The following PTPRJ variants were observed in gnomAD, a reference collection of about 807,000 sequenced individuals.
PTPRJ encodes receptor-type tyrosine-protein phosphatase eta.
PTPRJ carries 129 observed loss-of-function variants against 141.3 expected under a neutral mutation model. That is an observed-to-expected ratio of 0.91 (90% CI 0.79 to 1.06). PTPRJ has a LOEUF of 1.06. PTPRJ is among the 50% of genes least tolerant of loss of function. The pLI is 0.00. For synonymous variants in PTPRJ, 610 were observed against 640.5 expected (o/e 0.95, Z 0.72); for missense variants, 1,601 against 1,679.7 (o/e 0.95, Z 0.82).
rs1227374801 is a variant in PTPRJ at position 48,123,644 on chromosome 11, C to G, written c.648C>G (p.Ala216=). ...TCCCAGTTTCTGATCTCCGTGTTGC[C>G]CTCACGGGTGTGAGGAAGGCTGCTC... is the stretch of plus-strand genomic sequence containing the variant. ...EPIPVSDLRV[A]LTGVRKAALS... The change falls in exon 5 of 25, where the codon GCC becomes GCG. Residue 216 remains alanine (A), a synonymous_variant. Coordinates refer to ENST00000418331, the MANE Select transcript of PTPRJ (RefSeq NM_002843.4). 1.2e-6 allele frequency: 2 copies of G among 1,614,032 alleles called. No homozygotes were observed. Among genetic ancestry groups the G allele is most frequent in the Middle Eastern group, 1.7e-4 (1 of 6,040 alleles).
intron 1 of PTPRJ, among the ~76,000 whole-genome samples, chr11:48,088,186 A>G (rs1206835589): frequency 1.3e-5 from 2 of 152,220 alleles, no homozygotes; most frequent in Non-Finnish European, 2.9e-5. Context: ...TTGAGATGAC[A>G]TGTCCCCTTC....
intron 9 of PTPRJ, among the ~76,000 whole-genome samples, 153 bp downstream of exon 9, chr11:48,136,449 G>C (rs1043443389): frequency 2.6e-5 from 4 of 152,226 alleles, no homozygotes; most frequent in Non-Finnish European, 5.9e-5. Context: ...TGGTTCTGCT[G>C]TCACCATGGG....
intron 1 of PTPRJ, among the ~76,000 whole-genome samples, chr11:48,091,935 G>A (rs1026698393): frequency 6.6e-6 from 1 of 152,156 alleles, no homozygotes; most frequent in Non-Finnish European, 1.5e-5. Flanking sequence ...CCCCTGTGAA[G>A]CTGGTAGGTT....
chr11:47,993,254 T>C (rs561006075), intron 1 of PTPRJ, among the ~76,000 whole-genome samples: 2 of 152,246 alleles, frequency 1.3e-5, no homozygotes, highest in Admixed American at 1.3e-4. Flanking sequence ...GTAAATGGAT[T>C]TGGTAGAGAG....
Position 48,135,978 on chromosome 11 carries a change from A to C in PTPRJ, c.1616-61A>C, listed in dbSNP as rs1857092129. On this transcript the variant is annotated intron_variant, in intron 8 of 24. Coordinates refer to ENST00000418331, the MANE Select transcript of PTPRJ (RefSeq NM_002843.4). ...AGCAGGTCCTCTCGACAGCACTTGG[A>C]GAGGAAGCTGGGCGTCATGATAGTA... 7 of 1,569,102 alleles carry C rather than the reference A, an allele frequency of 4.5e-6. No homozygotes were observed. In the South Asian group the frequency reaches 7.1e-5, roughly 16 times the overall value.
intron 1 of PTPRJ, among the ~76,000 whole-genome samples, chr11:48,022,710 G>A (rs571763185): frequency 6.6e-6 from 1 of 152,082 alleles, no homozygotes; most frequent in African/African-American, 2.4e-5. Flanking sequence ...AGTGAAAGAG[G>A]CTTCTGGACC....
intron 1 of PTPRJ, among the ~76,000 whole-genome samples, chr11:48,108,320 A>T (rs1193916784): frequency 6.6e-6 from 1 of 152,242 alleles, no homozygotes; most frequent in Admixed American, 6.5e-5. Context: ...TACAAAGATC[A>T]TCCTGTTGGC....
rs746698373 is a variant in PTPRJ, at chr11:48,125,073, A to T, written c.980A>T (p.Asp327Val). 6 of 1,613,952 alleles carry T rather than the reference A, an allele frequency of 3.7e-6. No homozygotes were observed. The African/African-American group carries it at 8.0e-5, about 22-fold the overall frequency. The change falls in exon 6 of 25, where the codon GAC becomes GTC. Residue 327 changes from aspartate (D) to valine (V), a missense_variant. Transcript: ENST00000418331. Reference protein sequence around the residue: ...VDPSSGQQSRDTEVLLVGLEP... With the variant: ...VDPSSGQQSRVTEVLLVGLEP... ...CCATCCTCCGGCCAGCAGTCCCGAG[A>T]CACGGAAGTCCTGCTTGTCGGGTTA...
At chr11:48,072,608 A>G (rs1339819268) in intron 1 of PTPRJ, among the ~76,000 whole-genome samples, 2 of 152,190 alleles carry the variant, frequency 1.3e-5, no homozygotes, top group African/African-American at 4.8e-5. Flanking sequence ...AGATAGCAAT[A>G]TATATCTTAC....
chr11:48,117,276 C>T (rs1356513217), intron 3 of PTPRJ, among the ~76,000 whole-genome samples: 3 of 152,118 alleles, frequency 2.0e-5, no homozygotes, highest in Admixed American at 6.5e-5. Flanking sequence ...CACAGTGGCT[C>T]GTGCCTGTAA....
At chr11:48,049,914 G>C (rs2134245846) in intron 1 of PTPRJ, among the ~76,000 whole-genome samples, 1 of 152,126 alleles carries the variant, frequency 6.6e-6, no homozygotes, top group East Asian at 1.9e-4. Context: ...TTTTCTTTTT[G>C]CAATGGAAGC....
intron 1 of PTPRJ, among the ~76,000 whole-genome samples, chr11:48,034,095 C>G (rs1024829536): frequency 1.3e-5 from 2 of 152,116 alleles, no homozygotes; most frequent in African/African-American, 4.8e-5. Flanking sequence ...TAAACTTGGC[C>G]CAAGTCTCCC....
At chr11:47,981,284 C>G (rs915609128) in intron 1 of PTPRJ, among the ~76,000 whole-genome samples, 2 of 152,154 alleles carry the variant, frequency 1.3e-5, no homozygotes, top group African/African-American at 2.4e-5. Context: ...GGCTCCAGGC[C>G]GTCCCTGGCC....
intron 1 of PTPRJ, among the ~76,000 whole-genome samples, chr11:48,063,011 G>T (rs1854981391): frequency 6.6e-6 from 1 of 152,132 alleles, no homozygotes; most frequent in Non-Finnish European, 1.5e-5. Context: ...TGTTAAAAAA[G>T]AGAACTGATG....
At chr11:48,044,500 G>C (rs1327172017) in intron 1 of PTPRJ, among the ~76,000 whole-genome samples, 1 of 152,202 alleles carries the variant, frequency 6.6e-6, no homozygotes, top group Non-Finnish European at 1.5e-5. Context: ...GGCTAGCGAG[G>C]TTGGGCGAGG....
At chr11:48,106,091 G>T (rs1412072068) in intron 1 of PTPRJ, among the ~76,000 whole-genome samples, 1 of 152,136 alleles carries the variant, frequency 6.6e-6, no homozygotes. Context: ...AGAAAAATTC[G>T]CAGTTCTATT....
At position 48,137,261 on chromosome 11, in the gene PTPRJ, G is replaced by T. The variant is rs371022632; in HGVS notation, c.2132G>T (p.Gly711Val). 5.8e-5 allele frequency: 94 copies of T among 1,614,090 alleles called. No individual in the cohort carries two copies. The African/African-American group carries it at 1.1e-3, about 20-fold the overall frequency. ...GATGGGATCAAGTCACTGGAACCTG[G>T]CCGGAAGTCATTCTGTACAGGTGAG... ...VGDGIKSLEP[G>V]RKSFCTDPAS... Residue 711 changes from glycine to valine, a missense_variant, in exon 10 of 25, where the codon GGC (glycine) becomes GTC (valine). Transcript: ENST00000418331.
chr11:48,116,772 GAA>G (rs1183163214), intron 3 of PTPRJ, among the ~76,000 whole-genome samples: 1 of 152,136 alleles, frequency 6.6e-6, no homozygotes, highest in Non-Finnish European at 1.5e-5. Context: ...AGGAACTTAA[GAA>G]AATTCACAGA....
rs1853698124 is a variant in PTPRJ at position 48,023,078 on chromosome 11, C to T, written c.96+42070C>T. Among the ~76,000 whole-genome samples the T allele has an allele frequency of 2.6e-5, 4 of 152,134 alleles. No homozygotes were observed. The South Asian group carries it at 8.3e-4, about 32-fold the overall frequency. The stretch of plus-strand genomic sequence containing the variant: ...CTTATTAGGGAGGTACAAATGGCTT[C>T]GTGTTATAAAGTGTCAAGATCCTTA... On this transcript the variant is annotated intron_variant, in intron 1 of 24. Coordinates refer to ENST00000418331, the MANE Select transcript of PTPRJ (RefSeq NM_002843.4).
Sources: gnomAD v4.1 joint callset for allele counts (sites outside exome capture counted in the v4.1 genomes callset) on GRCh38, gnomAD v4.1.1 for gene constraint, MANE v1.5 for transcripts, NCBI Gene and HGNC (gene_info 2026-07-23, HGNC 2026-07-21) for gene names.